ASB3: variants seen among roughly 807,000 people sequenced by gnomAD.
ASB3 encodes ankyrin repeat and SOCS box protein 3.
A neutral mutation model predicts 54.5 loss-of-function variants in ASB3; 41 were observed. That is an observed-to-expected ratio of 0.75 (90% CI 0.59 to 0.98). The LOEUF (loss-of-function observed/expected upper bound fraction) is 0.98. Among genes scored for constraint, ASB3 ranks in the 50% least tolerant of loss-of-function variants. The pLI, the probability that ASB3 is intolerant of heterozygous loss-of-function variation, is 0.00. For missense variants in ASB3, 733 were observed against 620.0 expected (o/e 1.18, Z -1.94); for synonymous variants, 266 against 221.2 (o/e 1.20, Z -1.80).
intron 3 of ASB3, among the ~76,000 whole-genome samples, chr2:53,745,557 T>C (rs1219533371): frequency 6.6e-6 from 1 of 152,162 alleles, no homozygotes; most frequent in Non-Finnish European, 1.5e-5. Context: ...TTATGTTCAG[T>C]CATAATCAGA....
At chr2:53,782,704 A>T (rs1386233443) in intron 1 of ASB3, among the ~76,000 whole-genome samples, 2 of 152,194 alleles carry the variant, frequency 1.3e-5, no homozygotes, top group African/African-American at 4.8e-5. Flanking sequence ...AGGAGGAAAG[A>T]GGCAACTCGT....
At chr2:53,693,100 A>T (rs954718128) in intron 9 of ASB3, among the ~76,000 whole-genome samples, 12 of 152,198 alleles carry the variant, frequency 7.9e-5, no homozygotes, top group Non-Finnish European at 1.8e-4. Flanking sequence ...ATGTTTTATG[A>T]AGAGTTACAT....
At chr2:53,681,092 G>C (rs778822579) in intron 9 of ASB3, among the ~76,000 whole-genome samples, 1 of 152,140 alleles carries the variant, frequency 6.6e-6, no homozygotes, top group East Asian at 1.9e-4. Context: ...ATAGTACTCT[G>C]TTGTGTATAT....
At chr2:53,679,098 G>A (rs1006424788) in intron 9 of ASB3, among the ~76,000 whole-genome samples, 4 of 151,992 alleles carry the variant, frequency 2.6e-5, no homozygotes, top group African/African-American at 9.7e-5. Context: ...GATTCCATGG[G>A]CCCATCACTT....
intron 9 of ASB3, among the ~76,000 whole-genome samples, chr2:53,683,607 G>T (rs1668492231): frequency 6.6e-6 from 1 of 151,988 alleles, no homozygotes; most frequent in African/African-American, 2.4e-5. Flanking sequence ...ATCAGGTCCT[G>T]AACTTTTTTT....
At chr2:53,675,073 T>A (rs1668014744) in intron 9 of ASB3, among the ~76,000 whole-genome samples, 1 of 151,884 alleles carries the variant, frequency 6.6e-6, no homozygotes, top group Admixed American at 6.6e-5. Context: ...TACCTTTCCA[T>A]AAAATGAGAA....
intron 2 of ASB3, among the ~76,000 whole-genome samples, chr2:53,759,242 G>C (rs1673005610): frequency 6.6e-6 from 1 of 152,202 alleles, no homozygotes; most frequent in South Asian, 2.1e-4. Context: ...GCAGACATTT[G>C]CTAACTTGCG....
Position 53,670,292 on chromosome 2 carries a change from ATTTTTTTTTTTT to A in ASB3, c.*199_*210del. 7 of 178,372 alleles carry A rather than the reference ATTTTTTTTTTTT, an allele frequency of 3.9e-5. No individual in the cohort carries two copies. Among genetic ancestry groups the A allele is most frequent in the Non-Finnish European group, 4.2e-5 (4 of 94,766 alleles). 11.0% of individuals were successfully genotyped at this position (178,372 alleles called of 1,614,324 possible). A position where few individuals can be genotyped will look rare whatever the true frequency, so the allele number is the denominator to read the frequency against. ...TAAAGTAATATAAGTGATGTTTACA[ATTTTTTTTTTTT>A]TTTTTTTTTTTTTTACTGGGAAGGC... On this transcript the variant is annotated 3_prime_UTR_variant, in exon 10 of 10. Coordinates refer to ENST00000263634, the MANE Select transcript of ASB3 (RefSeq NM_016115.5).
At chr2:53,728,300 ATAAACC>A (rs1671119586) in intron 5 of ASB3, among the ~76,000 whole-genome samples, 2 of 152,298 alleles carry the variant, frequency 1.3e-5, no homozygotes, top group South Asian at 4.1e-4. Context: ...CTGCTTTGAA[ATAAACC>A]TATTTACATA....
chr2:53,694,099 T>C, intron 8 of ASB3, 85 bp from the exon 9 acceptor site: 1 of 1,486,938 alleles, frequency 6.7e-7, no homozygotes, highest in African/African-American at 1.4e-5. Context: ...TACCTATTCT[T>C]ACAAAATCTC....
chr2:53,674,848 A>C (rs180778069), intron 9 of ASB3, among the ~76,000 whole-genome samples: 39 of 152,246 alleles, frequency 2.6e-4, no homozygotes, highest in African/African-American at 8.9e-4. Flanking sequence ...AAACACAAAA[A>C]GCAAGTACCT....
At chr2:53,774,208 G>A (rs771917457) in intron 1 of ASB3, 2 of 1,613,728 alleles carry the variant, frequency 1.2e-6, no homozygotes, top group Non-Finnish European at 1.7e-6. Context: ...AGCATACCTT[G>A]ACTTCAGAGA....
chr2:53,683,442 G>GTTTT (rs1208578580), intron 9 of ASB3, among the ~76,000 whole-genome samples: 2 of 150,892 alleles, frequency 1.3e-5, no homozygotes, highest in African/African-American at 4.9e-5. Context: ...GTTTTGTTTT[G>GTTTT]TTTTTGATGT....
intron 8 of ASB3, among the ~76,000 whole-genome samples, chr2:53,695,736 T>G (rs1280785497): frequency 6.6e-6 from 1 of 152,154 alleles, no homozygotes; most frequent in Non-Finnish European, 1.5e-5. Flanking sequence ...ACGAGTGACA[T>G]TTAATCAACT....
At chr2:53,699,814 TAAAC>T (rs1420666048) in intron 8 of ASB3, among the ~76,000 whole-genome samples, 1 of 152,122 alleles carries the variant, frequency 6.6e-6, no homozygotes. Flanking sequence ...CTACCTGAAG[TAAAC>T]AAACTATAGT....
At chr2:53,700,980 T>A (rs1394431444) in intron 7 of ASB3, among the ~76,000 whole-genome samples, 1 of 152,164 alleles carries the variant, frequency 6.6e-6, no homozygotes, top group Non-Finnish European at 1.5e-5. Flanking sequence ...ACTTTAAACT[T>A]ATTTATTTTT....
chr2:53,728,884 C>CT, intron 4 of ASB3, 37 bp from the exon 5 acceptor site: 1 of 1,540,680 alleles, frequency 6.5e-7, no homozygotes, highest in Non-Finnish European at 8.7e-7. Flanking sequence ...AAGAAAAAAA[C>CT]AAAGAAAATA....
At chr2:53,729,138 A>G (rs1671164390) in intron 4 of ASB3, among the ~76,000 whole-genome samples, 1 of 152,220 alleles carries the variant, frequency 6.6e-6, no homozygotes, top group African/African-American at 2.4e-5. Context: ...CTAAGGAGCC[A>G]TCACAATTTC....
intron 7 of ASB3, among the ~76,000 whole-genome samples, chr2:53,707,961 CAAAAA>C (rs199571236): frequency 8.8e-6 from 1 of 113,802 alleles, no homozygotes. Context: ...GACTCTGTCT[CAAAAA>C]AAAAAAAAAA....
Sources: allele counts gnomAD v4.1 joint callset (sites outside exome capture counted in the v4.1 genomes callset), GRCh38; gene constraint gnomAD v4.1.1; transcripts MANE v1.5; gene names NCBI Gene and HGNC (gene_info 2026-07-23, HGNC 2026-07-21).